NF1: variants seen among roughly 807,000 people sequenced by gnomAD.
The protein encoded by NF1 is neurofibromin 1.
Under a neutral mutation model 325.7 loss-of-function variants are expected in NF1, and 122 were observed. The observed-to-expected ratio is 0.37, with a 90% CI of 0.32 to 0.44. The LOEUF is 0.44. Among genes scored for constraint, NF1 ranks in the 20% least tolerant of loss-of-function variants. The probability of loss-of-function intolerance (pLI) is 1.00; values close to 1 mark genes in which losing one functional copy is unlikely to be tolerated. For synonymous variants in NF1, 1,091 were observed against 1,186.0 expected (o/e 0.92, Z 1.65); for missense variants, 2,140 against 3,415.4 (o/e 0.63, Z 9.31).
At chr17:31,278,124 A>G (rs1027481166) in intron 36 of NF1, 4 of 152,162 alleles carry the variant, frequency 2.6e-5, no homozygotes, top group Admixed American at 1.3e-4. Flanking sequence ...TCTCTAAAAA[A>G]CAAAAATTAA....
rs749509735 is a variant in NF1 at position 31,326,265 on chromosome 17, CTG to C, written c.5268+17_5268+18del. ...AGTTTCTATTAAAGTAAGTTCCAGT[CTG>C]TGTTTTGTAAACGATTCATTGCTTT... On this transcript the variant is annotated intron_variant, in intron 37 of 57. Transcript: ENST00000358273. 3 of 1,603,490 alleles carry C rather than the reference CTG, an allele frequency of 1.9e-6. No individual in the cohort carries two copies. Among genetic ancestry groups the C allele is most frequent in the Non-Finnish European group, 2.5e-6 (3 of 1,179,326 alleles).
At chr17:31,151,272 A>G (rs1278400500) in intron 1 of NF1, among the ~76,000 whole-genome samples, 6 of 152,148 alleles carry the variant, frequency 3.9e-5, no homozygotes, top group Non-Finnish European at 5.9e-5. Flanking sequence ...GTGGCAGGCT[A>G]TACTATCTAG....
intron 36 of NF1, among the ~76,000 whole-genome samples, chr17:31,270,675 A>G (rs1436640960): frequency 6.6e-6 from 1 of 152,204 alleles, no homozygotes; most frequent in Admixed American, 6.5e-5. Flanking sequence ...TCCTCTTAGG[A>G]ATATTGTGAT....
intron 36 of NF1, chr17:31,313,931 A>G (rs2068956410): frequency 2.5e-6 from 1 of 397,488 alleles, no homozygotes; most frequent in East Asian, 3.6e-5. Context: ...TTTAAAATAA[A>G]TTTTATATAA....
At chr17:31,215,391 A>G (rs2066803132) in intron 13 of NF1, among the ~76,000 whole-genome samples, 1 of 152,234 alleles carries the variant, frequency 6.6e-6, no homozygotes, top group Non-Finnish European at 1.5e-5. Flanking sequence ...AATAAAAATG[A>G]GTCATAATGA....
intron 2 of NF1, among the ~76,000 whole-genome samples, chr17:31,157,942 G>C (rs2065694931): frequency 6.6e-6 from 1 of 152,006 alleles, no homozygotes; most frequent in African/African-American, 2.4e-5. Flanking sequence ...TCCAGCCTGG[G>C]TGACAGAGTG....
intron 35 of NF1, among the ~76,000 whole-genome samples, chr17:31,263,059 G>GA (rs2067714144): frequency 1.4e-5 from 2 of 147,024 alleles, no homozygotes; most frequent in African/African-American, 5.2e-5. Context: ...AGGTAGGTAG[G>GA]TAGGTAGGTA....
intron 39 of NF1, 97 bp from the exon 40 acceptor site, chr17:31,334,741 T>G (rs745661694): frequency 1.9e-5 from 19 of 993,910 alleles, no homozygotes; most frequent in Non-Finnish European, 3.0e-5. Flanking sequence ...GTAATAGTCT[T>G]TACCTTTTAC....
At chr17:31,364,792 A>G (rs535513158) in intron 57 of NF1, among the ~76,000 whole-genome samples, 1 of 152,364 alleles carries the variant, frequency 6.6e-6, no homozygotes, top group South Asian at 2.1e-4. Context: ...CCTGGGATTC[A>G]GTGCATATAG....
At chr17:31,098,662 G>A (rs550522059) in intron 1 of NF1, among the ~76,000 whole-genome samples, 199 of 152,284 alleles carry the variant, frequency 1.3e-3, no homozygotes, top group Non-Finnish European at 2.2e-3. Context: ...GGCCGGGCGC[G>A]GCGGCTCACG....
chr17:31,307,879 C>T, intron 36 of NF1: 1 of 1,288,116 alleles, frequency 7.8e-7, no homozygotes, highest in South Asian at 1.2e-5. Context: ...AAAGGTTTTA[C>T]AAATTACCTT....
chr17:31,337,713 CTG>C (rs1295581626), intron 43 of NF1, 104 bp from the exon 44 acceptor site: 16 of 1,397,948 alleles, frequency 1.1e-5, no homozygotes, highest in Admixed American at 5.4e-5. Flanking sequence ...CTTGCATGGA[CTG>C]TGTTATTGGT....
chr17:31,158,843 T>C (rs2065712808), intron 2 of NF1, among the ~76,000 whole-genome samples, 167 bp from the exon 3 acceptor site: 1 of 152,184 alleles, frequency 6.6e-6, no homozygotes, highest in African/African-American at 2.4e-5. Flanking sequence ...CTTTAGTTTT[T>C]ATGAGGATTA....
rs1235372325 is a variant in NF1, at chr17:31,326,083, TC to T, written c.5100del (p.Gly1702ValfsTer8). On this transcript the variant is annotated frameshift_variant, in exon 37 of 58. Coordinates refer to ENST00000358273, the MANE Select transcript of NF1 (RefSeq NM_001042492.3). LOFTEE classifies it high-confidence loss of function. ...TATCATGAGCGGCTGCTGACTGGCCTCAAAGGTAGCAAAAGGCTTGTTTTCA... is the reference window on the plus strand; with the variant it reads ...TATCATGAGCGGCTGCTGACTGGCCTAAAGGTAGCAAAAGGCTTGTTTTCA... Reference protein sequence around the residue: ...TKYHERLLTGLKGSKRLVFID... With the variant: ...TKYHERLLTGXKGSKRLVFID... 6.2e-7 allele frequency: 1 copy of T among 1,613,872 alleles called. No homozygotes were observed. Among genetic ancestry groups the T allele is most frequent in the Admixed American group, 1.7e-5 (1 of 59,996 alleles).
chr17:31,129,412 C>T (rs531805560), intron 1 of NF1, among the ~76,000 whole-genome samples: 12 of 150,006 alleles, frequency 8.0e-5, no homozygotes, highest in Admixed American at 4.0e-4. Context: ...CTTTTCTCAG[C>T]TTGGTCTGTT....
chr17:31,199,355 A>C (rs1034865245), intron 8 of NF1, among the ~76,000 whole-genome samples: 9 of 152,214 alleles, frequency 5.9e-5, no homozygotes, highest in African/African-American at 1.7e-4. Flanking sequence ...TAACATTCAC[A>C]AATTTTCACA....
At chr17:31,369,859 A>C (rs572584692) in intron 57 of NF1, among the ~76,000 whole-genome samples, 73 of 152,328 alleles carry the variant, frequency 4.8e-4, no homozygotes, top group Non-Finnish European at 9.3e-4. Flanking sequence ...TTAGAGGATA[A>C]AAAGAAAGAA....
intron 5 of NF1, among the ~76,000 whole-genome samples, chr17:31,177,918 A>C (rs891020669): frequency 6.6e-6 from 1 of 152,138 alleles, no homozygotes; most frequent in Non-Finnish European, 1.5e-5. Flanking sequence ...AGTGATGGGG[A>C]GGATGGAAAA....
chr17:31,237,133 CATT>C (rs1192492206), intron 29 of NF1, among the ~76,000 whole-genome samples: 1 of 152,078 alleles, frequency 6.6e-6, no homozygotes, highest in Non-Finnish European at 1.5e-5. Context: ...CCTAAATAAT[CATT>C]ATTTAGCAAC....
Sources: allele counts gnomAD v4.1 joint callset (sites outside exome capture counted in the v4.1 genomes callset), GRCh38; gene constraint gnomAD v4.1.1; transcripts MANE v1.5; gene names NCBI Gene and HGNC (gene_info 2026-07-23, HGNC 2026-07-21).